The following ADAMTS17 variants were observed in gnomAD, a reference collection of about 807,000 sequenced individuals.
ADAMTS17 encodes the protein ADAM metallopeptidase with thrombospondin type 1 motif 17, also known as A disintegrin and metalloproteinase with thrombospondin motifs 17.
ADAMTS17 carries 113 observed loss-of-function variants against 141.5 expected under a neutral mutation model. The ratio of observed to expected loss-of-function variants is 0.80; its 90% CI spans 0.69 to 0.93. The LOEUF (loss-of-function observed/expected upper bound fraction) is 0.93. Ranked by LOEUF, ADAMTS17 falls within the 40% of genes least tolerant of loss-of-function variation. The pLI, the probability that ADAMTS17 is intolerant of heterozygous loss-of-function variation, is 0.00. For missense variants in ADAMTS17, 1,659 were observed against 1,517.9 expected, an observed-to-expected ratio of 1.09 and a Z score of -1.54; for synonymous variants, 768 against 630.6, an observed-to-expected ratio of 1.22 and a Z score of -3.27.
intron 18 of ADAMTS17, among the ~76,000 whole-genome samples, chr15:100,035,369 A>G (rs2030605756): frequency 6.6e-6 from 1 of 152,214 alleles, no homozygotes; most frequent in Non-Finnish European, 1.5e-5. Context: ...TTAATTCTGG[A>G]GTATTTCCAG....
At chr15:100,123,378 A>G (rs1361266198) in intron 12 of ADAMTS17, among the ~76,000 whole-genome samples, 1 of 152,236 alleles carries the variant, frequency 6.6e-6, no homozygotes, top group Non-Finnish European at 1.5e-5. Context: ...GATTCGTGAT[A>G]GAGTTATCCC....
In ADAMTS17 at chr15:99,993,464, G is replaced by A. The variant is rs1039395721; in HGVS notation, c.2797-264C>T. Among the ~76,000 whole-genome samples, 109 of 152,178 alleles carry A rather than the reference G, an allele frequency of 7.2e-4. No homozygotes were observed. Among genetic ancestry groups the A allele is most frequent in the Non-Finnish European group, 3.2e-4 (22 of 68,038 alleles). On this transcript the variant is annotated intron_variant, in intron 19 of 21. Coordinates refer to ENST00000268070, the MANE Select transcript of ADAMTS17 (RefSeq NM_139057.4). The surrounding 1 kb of genome is among the most constrained non-coding windows in gnomAD (Gnocchi z 4.3). Reference sequence around the variant, plus strand: ...TGGGGTACTCATAAGGTCACATGAGGGGAGTGGAATTCAGTGGCCACTTGT... The same window carrying A: ...TGGGGTACTCATAAGGTCACATGAGAGGAGTGGAATTCAGTGGCCACTTGT...
chr15:100,275,152 G>A (rs1204716550), intron 4 of ADAMTS17, among the ~76,000 whole-genome samples: 1 of 152,194 alleles, frequency 6.6e-6, no homozygotes, highest in East Asian at 1.9e-4. Context: ...AAAGGCAGAG[G>A]AACTCGTTCC....
At position 100,086,754 on chromosome 15, in the gene ADAMTS17, C is replaced by T. The variant is rs1328937197; in HGVS notation, c.2137+9602G>A. 4.1e-5 allele frequency among the ~76,000 whole-genome samples: 6 copies of T among 147,972 alleles called. No homozygotes were observed. The East Asian group carries it at 1.2e-3, about 30-fold the overall frequency. Reference sequence around the variant, plus strand: ...TCCTGAATGACTACTGGGTACATAACAAAATGAAGGCAGAAATAAAGAGGT... The same window carrying T: ...TCCTGAATGACTACTGGGTACATAATAAAATGAAGGCAGAAATAAAGAGGT... On this transcript the variant is annotated intron_variant, in intron 15 of 21. Coordinates refer to ENST00000268070, the MANE Select transcript of ADAMTS17 (RefSeq NM_139057.4).
At chr15:100,226,372 G>A (rs531542534) in intron 7 of ADAMTS17, among the ~76,000 whole-genome samples, 20 of 152,392 alleles carry the variant, frequency 1.3e-4, no homozygotes, top group African/African-American at 4.3e-4. Flanking sequence ...GGGGGAAAAG[G>A]AGGCTTGGCC....
chr15:100,196,024 A>G (rs1198104849), intron 8 of ADAMTS17, among the ~76,000 whole-genome samples: 2 of 152,210 alleles, frequency 1.3e-5, no homozygotes, highest in African/African-American at 4.8e-5. Context: ...ACAGCATCTC[A>G]CACAGTACCC....
At chr15:100,268,250 G>A (rs1339164383) in intron 4 of ADAMTS17, among the ~76,000 whole-genome samples, 2 of 152,150 alleles carry the variant, frequency 1.3e-5, no homozygotes, top group Non-Finnish European at 2.9e-5. Flanking sequence ...GAACGGTGCT[G>A]TAATGAACAT....
chr15:100,133,866 G>A (rs1043735679), intron 10 of ADAMTS17, among the ~76,000 whole-genome samples: 1 of 151,372 alleles, frequency 6.6e-6, no homozygotes, highest in African/African-American at 2.4e-5. Flanking sequence ...TTCTCCCTGC[G>A]GTCACCTGTT....
chr15:100,047,150 C>A (rs1393027714), intron 18 of ADAMTS17, among the ~76,000 whole-genome samples: 1 of 151,644 alleles, frequency 6.6e-6, no homozygotes, highest in Non-Finnish European at 1.5e-5. Flanking sequence ...CCATAGCGCT[C>A]CCAGGCTTAT....
At chr15:100,164,272 C>T (rs987204881) in intron 8 of ADAMTS17, among the ~76,000 whole-genome samples, 4 of 152,172 alleles carry the variant, frequency 2.6e-5, no homozygotes, top group Admixed American at 2.6e-4. Flanking sequence ...TAGAAGCATC[C>T]CTGGCTTTGC....
chr15:100,249,322 C>T (rs2043081209), intron 7 of ADAMTS17, among the ~76,000 whole-genome samples: 1 of 152,236 alleles, frequency 6.6e-6, no homozygotes, highest in African/African-American at 2.4e-5. Flanking sequence ...CATTGGTCAT[C>T]TTGGGCTGTC....
chr15:100,320,333 GAATA>G, intron 3 of ADAMTS17, among the ~76,000 whole-genome samples: 1 of 152,308 alleles, frequency 6.6e-6, no homozygotes, highest in Non-Finnish European at 1.5e-5. Context: ...GTCCCAAACA[GAATA>G]AACATGGGAA....
At chr15:100,200,396 G>C (rs2041281535) in intron 7 of ADAMTS17, among the ~76,000 whole-genome samples, 2 of 152,064 alleles carry the variant, frequency 1.3e-5, no homozygotes, top group Admixed American at 1.3e-4. Flanking sequence ...GGGTGGGGAG[G>C]GCGAGCCCAT....
chr15:100,226,463 T>G (rs916742489), intron 7 of ADAMTS17, among the ~76,000 whole-genome samples: 3 of 152,254 alleles, frequency 2.0e-5, no homozygotes, highest in African/African-American at 7.2e-5. Context: ...GAAGCACAAC[T>G]GTATACCATC....
At chr15:99,983,544 C>A (rs1429980319) in intron 20 of ADAMTS17, among the ~76,000 whole-genome samples, 3 of 152,164 alleles carry the variant, frequency 2.0e-5, no homozygotes, top group East Asian at 1.9e-4. Context: ...CAGATCCCAA[C>A]AGGATGTTTT....
rs755642652 is a variant in ADAMTS17 at position 100,281,414 on chromosome 15, G to A, written c.617-13C>T. ...GGCTTCTTCTTTTCTAGAAAATGAT[G>A]GAAACATTTGTGCGGTCCTTGGCTT... On this transcript the variant is annotated splice_polypyrimidine_tract_variant and intron_variant, in intron 3 of 21. Transcript: ENST00000268070. 6.2e-7 allele frequency: 1 copy of A among 1,611,018 alleles called. No individual in the cohort carries two copies. Among genetic ancestry groups the A allele is most frequent in the Non-Finnish European group, 8.5e-7 (1 of 1,179,434 alleles).
chr15:100,022,975 CT>C (rs113350332), intron 18 of ADAMTS17, among the ~76,000 whole-genome samples: 26,361 of 151,986 alleles, frequency 0.17, 3,277 homozygotes, highest in African/African-American at 0.35. Context: ...CGGAGCACTG[CT>C]TCTTCTTGAA....
intron 18 of ADAMTS17, among the ~76,000 whole-genome samples, chr15:100,015,052 G>A (rs1042217445): frequency 4.6e-5 from 7 of 152,134 alleles, no homozygotes; most frequent in Non-Finnish European, 8.8e-5. Context: ...CCAGTGTTAG[G>A]TGCATATATG....
chr15:100,154,686 G>A (rs2039345966), intron 9 of ADAMTS17, among the ~76,000 whole-genome samples: 1 of 152,194 alleles, frequency 6.6e-6, no homozygotes, highest in African/African-American at 2.4e-5. Flanking sequence ...ATGGAAGGGT[G>A]CAGACACCTT....
Sources: gnomAD v4.1 joint callset for allele counts (sites outside exome capture counted in the v4.1 genomes callset) on GRCh38, gnomAD v4.1.1 for gene constraint, Gnocchi (gnomAD v3.1) non-coding constraint, MANE v1.5 for transcripts, NCBI Gene and HGNC (gene_info 2026-07-23, HGNC 2026-07-21) for gene names.